The following TTC28 variants were observed in gnomAD, a reference collection of about 807,000 sequenced individuals.
TTC28 encodes the protein tetratricopeptide repeat protein 28.
A neutral mutation model predicts 198.0 loss-of-function variants in TTC28; 61 were observed. The observed-to-expected ratio is 0.31, with a 90% CI of 0.25 to 0.38. The LOEUF is 0.38. Ranked by LOEUF, TTC28 falls within the 10% of genes least tolerant of loss-of-function variation. The pLI is 1.00. For missense variants in TTC28, 2,678 were observed against 3,164.0 expected (o/e 0.85, Z 3.69); for synonymous variants, 1,171 against 1,297.8 (o/e 0.90, Z 2.10).
At chr22:28,482,648 GCAA>G (rs769500532) in intron 2 of TTC28, among the ~76,000 whole-genome samples, 1 of 152,112 alleles carries the variant, frequency 6.6e-6, no homozygotes, top group African/African-American at 2.4e-5. Flanking sequence ...GCAATGCTGT[GCAA>G]CAACCACCTC....
At chr22:28,381,954 A>C (rs1236464071) in intron 2 of TTC28, among the ~76,000 whole-genome samples, 1 of 152,202 alleles carries the variant, frequency 6.6e-6, no homozygotes, top group Admixed American at 6.5e-5. Flanking sequence ...GCACTGGAAG[A>C]GAAAGTGCCA....
At chr22:28,065,152 C>G (rs1309692434) in intron 12 of TTC28, among the ~76,000 whole-genome samples, 3 of 152,170 alleles carry the variant, frequency 2.0e-5, no homozygotes, top group Non-Finnish European at 4.4e-5. Flanking sequence ...TCAGCCAGGA[C>G]AGACTCTTAC....
Position 28,297,620 on chromosome 22 carries a change from G to T in TTC28, c.762C>A (p.Thr254=), listed in dbSNP as rs559007072. The T allele has an allele frequency of 3.9e-6, 6 of 1,551,568 alleles. No homozygotes were observed. The East Asian group carries it at 1.5e-4, about 38-fold the overall frequency. The change falls in exon 4 of 23, where the codon ACC becomes ACA. Residue 254 remains threonine, a synonymous_variant. Transcript: ENST00000397906. ...CATCCAAGTCCTGCTGCATATATCCGGTGCTCTTCTCTGTATTTCCAAGAG... is the reference window on the plus strand; with the variant it reads ...CATCCAAGTCCTGCTGCATATATCCTGTGCTCTTCTCTGTATTTCCAAGAG... ...YWSLGNTEKS[T]GYMQQDLDVA...
At chr22:28,319,508 T>C (rs1312957410) in intron 2 of TTC28, among the ~76,000 whole-genome samples, 2 of 152,136 alleles carry the variant, frequency 1.3e-5, no homozygotes, top group Non-Finnish European at 2.9e-5. Context: ...TAATCCTCTA[T>C]AGATTATAAC....
intron 2 of TTC28, among the ~76,000 whole-genome samples, chr22:28,380,027 T>C (rs1184655790): frequency 1.5e-5 from 2 of 136,624 alleles, no homozygotes; most frequent in African/African-American, 2.5e-5. Context: ...ACTGTATCTG[T>C]GTTAATTACA....
intron 2 of TTC28, among the ~76,000 whole-genome samples, chr22:28,521,098 A>G (rs2048896447): frequency 2.6e-5 from 4 of 152,038 alleles, no homozygotes; most frequent in South Asian, 4.2e-4. Context: ...CAAATAATAT[A>G]TATGTTAAAA....
At chr22:28,546,905 G>C (rs1326134839) in intron 2 of TTC28, among the ~76,000 whole-genome samples, 1 of 152,076 alleles carries the variant, frequency 6.6e-6, no homozygotes, top group Non-Finnish European at 1.5e-5. Context: ...CCAAACATAT[G>C]AGACTCTAGA....
At chr22:28,214,489 C>T (rs2147186959) in intron 5 of TTC28, among the ~76,000 whole-genome samples, 1 of 152,302 alleles carries the variant, frequency 6.6e-6, no homozygotes, top group South Asian at 2.1e-4. Context: ...ACAGACACAT[C>T]TCAAAAGAAG....
chr22:28,317,900 T>C (rs1328361407), intron 2 of TTC28, among the ~76,000 whole-genome samples: 1 of 151,938 alleles, frequency 6.6e-6, no homozygotes, highest in Non-Finnish European at 1.5e-5. Context: ...TGCCTGCCCA[T>C]TATACACTGC....
chr22:28,170,990 T>TG, intron 5 of TTC28, among the ~76,000 whole-genome samples: 1 of 151,938 alleles, frequency 6.6e-6, no homozygotes, highest in Non-Finnish European at 1.5e-5. Flanking sequence ...CTTTTTTTTT[T>TG]TTTTTTTCTT....
At chr22:28,591,665 A>C (rs796343360) in intron 2 of TTC28, among the ~76,000 whole-genome samples, 6 of 152,278 alleles carry the variant, frequency 3.9e-5, no homozygotes, top group African/African-American at 1.4e-4. Context: ...CAATGGTTTC[A>C]CCTTATATAG....
chr22:28,219,827 T>C (rs1927714080), intron 5 of TTC28, among the ~76,000 whole-genome samples: 1 of 152,222 alleles, frequency 6.6e-6, no homozygotes, highest in Non-Finnish European at 1.5e-5. Context: ...CCAGTAAACC[T>C]TTGTGAAGTG....
intron 12 of TTC28, among the ~76,000 whole-genome samples, chr22:28,045,952 A>C (rs924670370): frequency 1.3e-5 from 2 of 152,240 alleles, no homozygotes; most frequent in African/African-American, 4.8e-5. Context: ...CCTGGGCGAC[A>C]GAGCAAGGCT....
chr22:28,223,230 A>C (rs134174), intron 5 of TTC28, among the ~76,000 whole-genome samples: 35,162 of 152,094 alleles, frequency 0.23, 4,816 homozygotes, highest in Admixed American at 0.4. Context: ...ACTCACTGAG[A>C]ACATACCAAT....
intron 6 of TTC28, among the ~76,000 whole-genome samples, chr22:28,128,607 G>A (rs997697003): frequency 3.3e-5 from 5 of 151,968 alleles, no homozygotes; most frequent in Admixed American, 6.6e-5. Flanking sequence ...GCTCAATCTC[G>A]GTTCAATGCA....
chr22:28,039,800 G>A (rs929940590), intron 12 of TTC28, among the ~76,000 whole-genome samples: 1 of 152,042 alleles, frequency 6.6e-6, no homozygotes, highest in Non-Finnish European at 1.5e-5. Flanking sequence ...GAATCCAGGA[G>A]CCTTTTTTAA....
intron 5 of TTC28, among the ~76,000 whole-genome samples, chr22:28,294,967 C>T (rs1271664824): frequency 6.6e-6 from 1 of 152,178 alleles, no homozygotes; most frequent in Non-Finnish European, 1.5e-5. Flanking sequence ...CTTCTTAATG[C>T]CATTAGTATA....
At chr22:28,464,394 G>A (rs1288324307) in intron 2 of TTC28, among the ~76,000 whole-genome samples, 1 of 152,198 alleles carries the variant, frequency 6.6e-6, no homozygotes, top group Non-Finnish European at 1.5e-5. Context: ...GGAAGTGTTT[G>A]TAGGAAAATT....
intron 6 of TTC28, among the ~76,000 whole-genome samples, chr22:28,151,181 A>T (rs1943600024): frequency 6.6e-6 from 1 of 152,238 alleles, no homozygotes; most frequent in Non-Finnish European, 1.5e-5. Context: ...TTCTTTATTC[A>T]GTTCTTGAAG....
Sources: allele counts gnomAD v4.1 joint callset (sites outside exome capture counted in the v4.1 genomes callset), GRCh38; gene constraint gnomAD v4.1.1; transcripts MANE v1.5; gene names NCBI Gene and HGNC (gene_info 2026-07-23, HGNC 2026-07-21).